ARMH3: variants seen among roughly 807,000 people sequenced by gnomAD.
ARMH3 encodes armadillo-like helical domain-containing protein 3.
A neutral mutation model predicts 99.1 loss-of-function variants in ARMH3; 60 were observed. The ratio of observed to expected loss-of-function variants is 0.61; its 90% confidence interval spans 0.49 to 0.75. ARMH3 has a LOEUF of 0.75. Ranked by LOEUF, ARMH3 falls within the 30% of genes least tolerant of loss-of-function variation. ARMH3 has a pLI of 0.00. For missense variants in ARMH3, 679 were observed against 843.1 expected, an observed-to-expected ratio of 0.81 and a Z score of 2.41; for synonymous variants, 285 against 292.8, an observed-to-expected ratio of 0.97 and a Z score of 0.27.
chr10:101,872,871 T>C (rs1325314661), intron 24 of ARMH3, among the ~76,000 whole-genome samples: 3 of 151,444 alleles, frequency 2.0e-5, no homozygotes, highest in African/African-American at 4.9e-5. Flanking sequence ...GACAGGAGAA[T>C]TGCTTGAACC....
At chr10:102,007,656 TAAA>T (rs961346897) in intron 13 of ARMH3, among the ~76,000 whole-genome samples, 1 of 54,960 alleles carries the variant, frequency 1.8e-5, no homozygotes, top group Non-Finnish European at 3.4e-5. Flanking sequence ...CTGTCTCTAC[TAAA>T]AAAAAAAAAA....
chr10:101,963,422 C>A (rs1042581544), intron 20 of ARMH3, among the ~76,000 whole-genome samples: 3 of 152,052 alleles, frequency 2.0e-5, no homozygotes, highest in African/African-American at 7.3e-5. Flanking sequence ...CAGGTGTGAG[C>A]CACCGTGCCC....
At chr10:102,029,108 C>CA (rs1401756450) in intron 5 of ARMH3, among the ~76,000 whole-genome samples, 1 of 152,202 alleles carries the variant, frequency 6.6e-6, no homozygotes, top group African/African-American at 2.4e-5. Flanking sequence ...CTCCTTAGCT[C>CA]AAGCAATCCG....
intron 23 of ARMH3, among the ~76,000 whole-genome samples, chr10:101,890,130 C>T (rs2067651318): frequency 6.6e-6 from 1 of 151,804 alleles, no homozygotes; most frequent in South Asian, 2.1e-4. Context: ...TCATTTCTTG[C>T]CTGGTGTAGC....
intron 24 of ARMH3, among the ~76,000 whole-genome samples, chr10:101,883,540 T>G (rs1298077296): frequency 6.6e-6 from 1 of 152,146 alleles, no homozygotes. Flanking sequence ...GTGAAGGTAG[T>G]AGCATTGCCT....
At chr10:102,025,853 T>C (rs2066989074) in intron 5 of ARMH3, among the ~76,000 whole-genome samples, 1 of 152,104 alleles carries the variant, frequency 6.6e-6, no homozygotes, top group South Asian at 2.1e-4. Context: ...GGTCTCGCCA[T>C]GTTGCCCAGG....
intron 23 of ARMH3, among the ~76,000 whole-genome samples, chr10:101,901,277 C>A (rs560979198): frequency 2.7e-4 from 41 of 149,626 alleles, no homozygotes; most frequent in Middle Eastern, 6.8e-3. Flanking sequence ...CCATATGGAT[C>A]ACGTACTGGT....
chr10:102,007,159 C>CAAA (rs10639768), intron 13 of ARMH3, among the ~76,000 whole-genome samples: 23 of 60,036 alleles, frequency 3.8e-4, no homozygotes, highest in South Asian at 7.9e-4. Flanking sequence ...GACTCTATCT[C>CAAA]AAAAAAAAAA....
intron 24 of ARMH3, among the ~76,000 whole-genome samples, chr10:101,877,077 C>T (rs764884796): frequency 1.5e-4 from 23 of 152,016 alleles, no homozygotes; most frequent in Admixed American, 2.6e-4. Context: ...GGTGTGGTGG[C>T]GCACACCTGT....
Position 102,045,354 on chromosome 10 carries a change from G to A in ARMH3, c.-11-5229C>T, listed in dbSNP as rs186118535. 4.6e-5 allele frequency among the ~76,000 whole-genome samples: 7 copies of A among 152,142 alleles called. No homozygotes were observed. In the East Asian group the frequency reaches 1.2e-3, roughly 25 times the overall value. ...ACAGACAACAAATAAGATAAACTGA[G>A]ACAGTGATAAGGGCCCTGAAGACAA... On this transcript the variant is annotated intron_variant, in intron 1 of 25. Coordinates refer to ENST00000370033, the MANE Select transcript of ARMH3 (RefSeq NM_024541.3).
At chr10:102,046,277 A>G (rs1421367740) in intron 1 of ARMH3, among the ~76,000 whole-genome samples, 1 of 151,788 alleles carries the variant, frequency 6.6e-6, no homozygotes, top group Non-Finnish European at 1.5e-5. Context: ...AAAGAGAGAA[A>G]GAGAGGGAGA....
At chr10:101,969,839 G>A (rs531329224) in intron 20 of ARMH3, among the ~76,000 whole-genome samples, 1 of 152,208 alleles carries the variant, frequency 6.6e-6, no homozygotes, top group South Asian at 2.1e-4. Context: ...TTAGCGTCTG[G>A]TTCCATGATC....
At chr10:101,892,010 G>A (rs1258528451) in intron 23 of ARMH3, among the ~76,000 whole-genome samples, 7 of 152,012 alleles carry the variant, frequency 4.6e-5, no homozygotes. Context: ...TACTTGGGAG[G>A]CTGAGGTGGG....
chr10:101,916,351 A>C (rs1843086290), intron 23 of ARMH3, among the ~76,000 whole-genome samples: 1 of 152,120 alleles, frequency 6.6e-6, no homozygotes, highest in Non-Finnish European at 1.5e-5. Flanking sequence ...AACCATCAGC[A>C]ACCTACCCCC....
At position 102,045,843 on chromosome 10, in the gene ARMH3, C is replaced by T. The variant is rs375796934; in HGVS notation, c.-11-5718G>A. Among the ~76,000 whole-genome samples, 264 of 152,172 alleles carry T rather than the reference C, an allele frequency of 1.7e-3. 1 individual carries two copies. Among genetic ancestry groups the T allele is most frequent in the African/African-American group, 6.2e-3 (256 of 41,498 alleles). On this transcript the variant is annotated intron_variant, in intron 1 of 25. Transcript: ENST00000370033. Reference sequence around the variant, plus strand: ...GGCGCGGTGGCTCACACCTGTAATCCCAGCACTTTGGGAGGCCGAGGTAGG... The same window carrying T: ...GGCGCGGTGGCTCACACCTGTAATCTCAGCACTTTGGGAGGCCGAGGTAGG...
intron 1 of ARMH3, among the ~76,000 whole-genome samples, chr10:102,043,308 T>C (rs1014774031): frequency 6.6e-6 from 1 of 152,240 alleles, no homozygotes; most frequent in Non-Finnish European, 1.5e-5. Flanking sequence ...GACAAGTTAC[T>C]GTGCTTCTCA....
chr10:101,997,853 A>G (rs1487441338), intron 15 of ARMH3, among the ~76,000 whole-genome samples: 1 of 152,198 alleles, frequency 6.6e-6, no homozygotes, highest in Admixed American at 6.6e-5. Context: ...TAATATCCTC[A>G]TGGCGGTGGT....
intron 1 of ARMH3, among the ~76,000 whole-genome samples, chr10:102,054,367 C>A (rs2067785753): frequency 6.8e-6 from 1 of 146,944 alleles, no homozygotes; most frequent in Non-Finnish European, 1.5e-5. Context: ...CCAGCCTGGG[C>A]GACAGAGCGA....
intron 24 of ARMH3, among the ~76,000 whole-genome samples, chr10:101,879,252 T>A (rs1480353796): frequency 6.6e-6 from 1 of 152,226 alleles, no homozygotes; most frequent in South Asian, 2.1e-4. Context: ...ACTCTATGGC[T>A]TTACCACTAA....
Sources: allele counts gnomAD v4.1 joint callset (sites outside exome capture counted in the v4.1 genomes callset), GRCh38; gene constraint gnomAD v4.1.1; transcripts MANE v1.5; gene names NCBI Gene and HGNC (gene_info 2026-07-23, HGNC 2026-07-21).